The following RBFOX1 variants were observed in gnomAD, a reference collection of about 807,000 sequenced individuals.
The protein encoded by RBFOX1 is RNA binding protein fox-1 homolog 1.
A neutral mutation model predicts 57.7 loss-of-function variants in RBFOX1; 8 were observed. The ratio of observed to expected loss-of-function variants is 0.14; its 90% CI spans 0.08 to 0.25. The LOEUF is 0.25. Ranked by LOEUF, RBFOX1 falls within the 10% of genes least tolerant of loss-of-function variation. The probability of loss-of-function intolerance (pLI) is 1.00; values close to 1 mark genes in which losing one functional copy is unlikely to be tolerated. For missense variants in RBFOX1, 611 were observed against 548.5 expected, an observed-to-expected ratio of 1.11 and a Z score of -1.14; for synonymous variants, 326 against 222.4, an observed-to-expected ratio of 1.47 and a Z score of -4.15.
At chr16:6,997,188 T>C (rs941783649) in intron 3 of RBFOX1, among the ~76,000 whole-genome samples, 1 of 152,066 alleles carries the variant, frequency 6.6e-6, no homozygotes, top group African/African-American at 2.4e-5. Context: ...CTTAGCATTT[T>C]CCCCCAATAA....
At chr16:6,351,379 T>A (rs1283309816) in intron 2 of RBFOX1, among the ~76,000 whole-genome samples, 3 of 142,264 alleles carry the variant, frequency 2.1e-5, no homozygotes, top group African/African-American at 5.2e-5. Context: ...TATATTTTTT[T>A]TTTTTTTTCT....
intron 1 of RBFOX1, among the ~76,000 whole-genome samples, chr16:5,434,496 A>G (rs1027693088): frequency 1.3e-5 from 2 of 151,126 alleles, no homozygotes; most frequent in Admixed American, 6.6e-5. Context: ...TAATTTTTGT[A>G]TTTTTAGTAG....
intron 1 of RBFOX1, among the ~76,000 whole-genome samples, chr16:5,292,594 A>G (rs2063562007): frequency 6.6e-6 from 1 of 152,064 alleles, no homozygotes; most frequent in South Asian, 2.1e-4. Context: ...AGGGGAGTCA[A>G]TGGAGTGATT....
intron 3 of RBFOX1, among the ~76,000 whole-genome samples, chr16:6,877,862 A>G (rs1052493144): frequency 2.0e-5 from 3 of 152,140 alleles, no homozygotes; most frequent in Non-Finnish European, 4.4e-5. Flanking sequence ...TACCCATTCA[A>G]AGAGAATAGG....
chr16:7,560,621 AAG>A (rs1419932223), intron 5 of RBFOX1, among the ~76,000 whole-genome samples: 2 of 152,142 alleles, frequency 1.3e-5, no homozygotes, highest in African/African-American at 4.8e-5. Context: ...GGCCCAAGAA[AAG>A]AGGGGGCGAG....
intron 1 of RBFOX1, among the ~76,000 whole-genome samples, chr16:6,263,169 A>C (rs1330860619): frequency 6.6e-6 from 1 of 152,118 alleles, no homozygotes; most frequent in Non-Finnish European, 1.5e-5. Context: ...TATATAGAGA[A>C]GATGTCTTAT....
At chr16:6,579,211 T>C (rs566687398) in intron 2 of RBFOX1, among the ~76,000 whole-genome samples, 2 of 152,260 alleles carry the variant, frequency 1.3e-5, no homozygotes, top group South Asian at 4.1e-4. Flanking sequence ...GTTATTGTTG[T>C]TTTTGTTTTT....
At chr16:7,675,757 C>T (rs866987308) in intron 13 of RBFOX1, among the ~76,000 whole-genome samples, 1 of 152,142 alleles carries the variant, frequency 6.6e-6, no homozygotes, top group African/African-American at 2.4e-5. Flanking sequence ...TCCTGAGTTG[C>T]CCCTTTATGG....
chr16:6,999,351 C>G (rs1426539174), intron 3 of RBFOX1, among the ~76,000 whole-genome samples: 1 of 151,392 alleles, frequency 6.6e-6, no homozygotes, highest in Non-Finnish European at 1.5e-5. Context: ...GCCGTTGTGC[C>G]TGGCCAGGAG....
intron 4 of RBFOX1, among the ~76,000 whole-genome samples, chr16:7,142,817 A>G (rs2074119031): frequency 6.6e-6 from 1 of 152,196 alleles, no homozygotes; most frequent in South Asian, 2.1e-4. Context: ...GTATTGAATG[A>G]ATGAAAGATA....
At chr16:7,287,413 T>G (rs2095671462) in intron 4 of RBFOX1, among the ~76,000 whole-genome samples, 1 of 152,122 alleles carries the variant, frequency 6.6e-6, no homozygotes, top group African/African-American at 2.4e-5. Flanking sequence ...TCTCTTTCTC[T>G]TTCTAGAATC....
At chr16:6,184,244 G>A (rs538932493) in intron 1 of RBFOX1, among the ~76,000 whole-genome samples, 1 of 152,256 alleles carries the variant, frequency 6.6e-6, no homozygotes, top group South Asian at 2.1e-4. Context: ...ATGAGATTTG[G>A]GTGGGGACAC....
intron 3 of RBFOX1, among the ~76,000 whole-genome samples, chr16:5,695,974 G>C (rs1391828339): frequency 1.3e-5 from 2 of 152,074 alleles, no homozygotes; most frequent in Non-Finnish European, 2.9e-5. Flanking sequence ...CAACCTTCTA[G>C]ATTTAATTAC....
chr16:6,449,531 C>A (rs989666516), intron 2 of RBFOX1, among the ~76,000 whole-genome samples: 19 of 152,260 alleles, frequency 1.2e-4, no homozygotes, highest in African/African-American at 4.6e-4. Flanking sequence ...ACAGCTGCTT[C>A]CTTTCAGTTG....
chr16:7,501,876 G>C (rs1035764929), intron 4 of RBFOX1, among the ~76,000 whole-genome samples: 2 of 152,142 alleles, frequency 1.3e-5, no homozygotes, highest in African/African-American at 2.4e-5. Context: ...CCAGCCTGTA[G>C]CTATAGAGGT....
At chr16:6,444,246 A>T (rs536413763) in intron 2 of RBFOX1, among the ~76,000 whole-genome samples, 3 of 152,166 alleles carry the variant, frequency 2.0e-5, no homozygotes, top group African/African-American at 7.2e-5. Flanking sequence ...TTAATTGAAT[A>T]TGCTCTCCCC....
intron 4 of RBFOX1, among the ~76,000 whole-genome samples, chr16:7,454,760 G>T (rs1407562408): frequency 6.6e-6 from 1 of 152,172 alleles, no homozygotes; most frequent in Non-Finnish European, 1.5e-5. Flanking sequence ...ATGAACATGT[G>T]CAATTGCCCA....
chr16:5,431,131 C>A lies in RBFOX1; in HGVS notation c.220-36085C>A, dbSNP rs575901804. On this transcript the variant is annotated intron_variant, in intron 1 of 2. Transcript: ENST00000585867. The stretch of plus-strand genomic sequence containing the variant: ...ATAGGAACGTGTAAGTCCGCAGTCA[C>A]CCTGAGTGTGACAGCTACTGAGGCT... Among the ~76,000 whole-genome samples, 24 of 152,238 alleles carry A rather than the reference C, an allele frequency of 1.6e-4. No homozygotes were observed. In the South Asian group the frequency reaches 2.5e-3, roughly 16 times the overall value.
chr16:5,409,861 A>C (rs1308164844), intron 1 of RBFOX1, among the ~76,000 whole-genome samples: 1 of 151,982 alleles, frequency 6.6e-6, no homozygotes, highest in Non-Finnish European at 1.5e-5. Context: ...CAGCTTGGCC[A>C]ACATGGTGAA....
Sources: allele counts gnomAD v4.1 joint callset (sites outside exome capture counted in the v4.1 genomes callset), GRCh38; gene constraint gnomAD v4.1.1; transcripts MANE v1.5; gene names NCBI Gene and HGNC (gene_info 2026-07-23, HGNC 2026-07-21).